The following CLASP2 variants were observed in gnomAD, a reference collection of about 807,000 sequenced individuals.
CLASP2 encodes cytoplasmic linker associated protein 2.
Under a neutral mutation model 194.4 loss-of-function variants are expected in CLASP2, and 47 were observed. That is an observed-to-expected ratio of 0.24 (90% confidence interval 0.19 to 0.31). The LOEUF (loss-of-function observed/expected upper bound fraction) is 0.31, where lower values mean the gene tolerates loss of function less well. Among genes scored for constraint, CLASP2 ranks in the 10% least tolerant of loss-of-function variants. The probability of loss-of-function intolerance (pLI) is 1.00; values close to 1 mark genes in which losing one functional copy is unlikely to be tolerated. For missense variants in CLASP2, 1,445 were observed against 1,823.6 expected, an observed-to-expected ratio of 0.79 and a Z score of 3.78; for synonymous variants, 619 against 633.5, an observed-to-expected ratio of 0.98 and a Z score of 0.34.
intron 1 of CLASP2, among the ~76,000 whole-genome samples, chr3:33,713,691 T>C (rs888022755): frequency 6.6e-5 from 10 of 152,094 alleles, no homozygotes; most frequent in South Asian, 2.1e-4. Context: ...TTTTTTTTTT[T>C]TCTCTCCCCT....
At chr3:33,669,458 C>CA (rs2086758297) in intron 6 of CLASP2, among the ~76,000 whole-genome samples, 1 of 151,474 alleles carries the variant, frequency 6.6e-6, no homozygotes. Flanking sequence ...AAGGTATCAC[C>CA]AAGAAAGTAC....
intron 6 of CLASP2, among the ~76,000 whole-genome samples, chr3:33,680,892 C>T (rs971118312): frequency 2.0e-5 from 3 of 151,748 alleles, no homozygotes; most frequent in Non-Finnish European, 4.4e-5. Context: ...TTTGGGAGGC[C>T]GAGGCAGGCG....
intron 8 of CLASP2, among the ~76,000 whole-genome samples, chr3:33,634,571 T>C (rs1050976778): frequency 3.9e-5 from 6 of 152,168 alleles, no homozygotes; most frequent in South Asian, 2.1e-4. Context: ...ACGAAGGATA[T>C]AGAATTTCAG....
chr3:33,581,964 A>T, intron 22 of CLASP2, 36 bp from the exon 23 acceptor site: 1 of 1,429,180 alleles, frequency 7.0e-7, no homozygotes, highest in Non-Finnish European at 9.9e-7. Context: ...ACAGTAAGGG[A>T]GAAAACAGAA....
At chr3:33,520,820 TACACACACACACACACAC>T (rs57151303) in intron 34 of CLASP2, among the ~76,000 whole-genome samples, 39 of 142,526 alleles carry the variant, frequency 2.7e-4, no homozygotes, top group East Asian at 1.8e-3. Context: ...TGTAAATCTC[TACACACACACACACACAC>T]ACACACACAC....
At chr3:33,690,121 CATG>C (rs1297838883) in intron 2 of CLASP2, among the ~76,000 whole-genome samples, 189 bp from the exon 3 acceptor site, 1 of 152,072 alleles carries the variant, frequency 6.6e-6, no homozygotes, top group Non-Finnish European at 1.5e-5. Flanking sequence ...ATACATGCAG[CATG>C]ATATCTCCTT....
chr3:33,536,254 C>CG (rs2057313926), intron 33 of CLASP2, among the ~76,000 whole-genome samples: 1 of 110,392 alleles, frequency 9.1e-6, no homozygotes, highest in Admixed American at 1.0e-4. Context: ...GAGGGACAGA[C>CG]CAAAAAAAAA....
At chr3:33,646,295 T>A (rs558022843) in intron 7 of CLASP2, among the ~76,000 whole-genome samples, 8 of 152,062 alleles carry the variant, frequency 5.3e-5, no homozygotes, top group East Asian at 1.9e-4. Context: ...GAAAAAAGAA[T>A]CAAATAGACA....
At chr3:33,644,660 A>G (rs2081976523) in intron 8 of CLASP2, 97 bp downstream of exon 8, 1 of 1,292,618 alleles carries the variant, frequency 7.7e-7, no homozygotes, top group African/African-American at 1.5e-5. Flanking sequence ...ATCGTGCTGC[A>G]GTCATGAATA....
intron 9 of CLASP2, among the ~76,000 whole-genome samples, chr3:33,629,631 G>C (rs1031776117): frequency 1.3e-5 from 2 of 151,984 alleles, no homozygotes; most frequent in Admixed American, 1.3e-4. Context: ...GATTGTTGAG[G>C]GTTCATTTTA....
At chr3:33,638,857 A>T (rs1439861503) in intron 8 of CLASP2, among the ~76,000 whole-genome samples, 1 of 152,158 alleles carries the variant, frequency 6.6e-6, no homozygotes, top group Non-Finnish European at 1.5e-5. Context: ...TAATAATAAC[A>T]TTTCACTCTT....
At chr3:33,636,271 C>T (rs112615106) in intron 8 of CLASP2, among the ~76,000 whole-genome samples, 9 of 152,220 alleles carry the variant, frequency 5.9e-5, no homozygotes, top group African/African-American at 1.7e-4. Flanking sequence ...ACTAAGCAAA[C>T]CTTTTTTTCC....
intron 8 of CLASP2, among the ~76,000 whole-genome samples, chr3:33,643,052 A>G (rs1304779835): frequency 2.6e-5 from 4 of 151,972 alleles, no homozygotes; most frequent in Admixed American, 6.6e-5. Context: ...TTTAACTGGT[A>G]GGAATAGAAA....
rs2073128576 is a variant in CLASP2 at position 33,604,225 on chromosome 3, A to T, written c.1695-16T>A. On this transcript the variant is annotated splice_polypyrimidine_tract_variant and intron_variant, in intron 16 of 38. Coordinates refer to ENST00000682230, the MANE Select transcript of CLASP2 (RefSeq NM_001365631.1). ...AAAAGGGCGACTGCAAAGTATAAAA[A>T]ATGCTTTTAGTAAGAAGACAATTTA... 1 of 1,543,372 alleles carries T rather than the reference A, an allele frequency of 6.5e-7. No individual in the cohort carries two copies. Among genetic ancestry groups the T allele is most frequent in the South Asian group, 1.2e-5 (1 of 83,414 alleles).
At chr3:33,566,810 G>A (rs1427003580) in intron 26 of CLASP2, 76 bp from the exon 27 acceptor site, 5 of 414,994 alleles carry the variant, frequency 1.2e-5, no homozygotes, top group Non-Finnish European at 1.9e-5. Context: ...CAAATTAGTC[G>A]CCATCAATGC....
intron 6 of CLASP2, among the ~76,000 whole-genome samples, chr3:33,664,614 C>T (rs2085861716): frequency 6.6e-6 from 1 of 152,180 alleles, no homozygotes; most frequent in Non-Finnish European, 1.5e-5. Flanking sequence ...TAAACCTTAA[C>T]ATCACCTCCT....
At chr3:33,608,528 T>A (rs773340765) in intron 14 of CLASP2, 39 bp downstream of exon 14, 3 of 1,494,810 alleles carry the variant, frequency 2.0e-6, no homozygotes, top group South Asian at 1.2e-5. Flanking sequence ...CTGGTGACAA[T>A]GGGGAGGAAA....
At chr3:33,512,559 A>AT in intron 36 of CLASP2, among the ~76,000 whole-genome samples, 1 of 42,720 alleles carries the variant, frequency 2.3e-5, no homozygotes, top group African/African-American at 1.0e-4. Context: ...GAGTATAATA[A>AT]AAAAAAAAAA....
intron 12 of CLASP2, among the ~76,000 whole-genome samples, chr3:33,618,613 C>T (rs1031464251): frequency 6.6e-6 from 1 of 152,066 alleles, no homozygotes; most frequent in Non-Finnish European, 1.5e-5. Context: ...TACCACTGCA[C>T]TCCTGCCTGG....
Sources: allele counts gnomAD v4.1 joint callset (sites outside exome capture counted in the v4.1 genomes callset), GRCh38; gene constraint gnomAD v4.1.1; transcripts MANE v1.5; gene names NCBI Gene and HGNC (gene_info 2026-07-23, HGNC 2026-07-21).